The following SHCBP1L variants were observed in gnomAD, a reference collection of about 807,000 sequenced individuals.
The protein encoded by SHCBP1L is SHC binding and spindle associated 1 like, also known as testicular spindle-associated protein SHCBP1L.
SHCBP1L carries 67 observed loss-of-function variants against 62.5 expected under a neutral mutation model. The observed-to-expected ratio is 1.07, with a 90% CI of 0.88 to 1.31. The LOEUF is 1.31. Ranked by LOEUF, SHCBP1L falls within the 40% of genes most tolerant of loss-of-function variation. SHCBP1L has a pLI of 0.00. For synonymous variants in SHCBP1L, 284 were observed against 289.4 expected, an observed-to-expected ratio of 0.98 and a Z score of 0.19; for missense variants, 823 against 809.8, an observed-to-expected ratio of 1.02 and a Z score of -0.20.
In SHCBP1L at chr1:182,929,597, T is replaced by C. The variant is rs367724278; in HGVS notation, c.1182+50A>G. 68 of 1,269,184 alleles carry C rather than the reference T, an allele frequency of 5.4e-5. No homozygotes were observed. The African/African-American group carries it at 1.0e-3, about 19-fold the overall frequency. The allele number at this position is 1,269,184 out of a possible 1,614,324, so 78.6% of individuals were successfully genotyped here. ...CACCCTCAGGGAGCTTCTTTTCCGA[T>C]TATACACAGCTAATACTTAAATAAC... On this transcript the variant is annotated intron_variant, in intron 6 of 9. Coordinates refer to ENST00000367547, the MANE Select transcript of SHCBP1L (RefSeq NM_030933.4).
At chr1:182,918,536 T>C (rs1289349382) in intron 6 of SHCBP1L, among the ~76,000 whole-genome samples, 4 of 152,242 alleles carry the variant, frequency 2.6e-5, no homozygotes, top group African/African-American at 9.6e-5. Flanking sequence ...CCATCCCATG[T>C]TCATGGATTG....
chr1:182,903,952 C>T (rs1201632514), intron 8 of SHCBP1L, among the ~76,000 whole-genome samples: 1 of 152,150 alleles, frequency 6.6e-6, no homozygotes, highest in Non-Finnish European at 1.5e-5. Flanking sequence ...TAAAAAGTCA[C>T]CCTTATAAAA....
chr1:182,915,013 C>T (rs769075070), intron 6 of SHCBP1L, among the ~76,000 whole-genome samples: 1 of 151,228 alleles, frequency 6.6e-6, no homozygotes, highest in African/African-American at 2.4e-5. Flanking sequence ...ACTAAAAATA[C>T]AAAAATTAGC....
intron 5 of SHCBP1L, among the ~76,000 whole-genome samples, chr1:182,935,124 C>T (rs778206845): frequency 2.6e-5 from 4 of 152,052 alleles, no homozygotes; most frequent in South Asian, 4.1e-4. Flanking sequence ...GTCTTAAAAT[C>T]GAGTAGTATG....
chr1:182,910,079 TAG>T (rs1650131390), intron 6 of SHCBP1L, among the ~76,000 whole-genome samples: 1 of 151,012 alleles, frequency 6.6e-6, no homozygotes, highest in Non-Finnish European at 1.5e-5. Context: ...AAGGAGAGAG[TAG>T]AGAGGAGAGG....
intron 6 of SHCBP1L, among the ~76,000 whole-genome samples, chr1:182,920,815 T>G (rs1650504973): frequency 6.6e-6 from 1 of 152,078 alleles, no homozygotes; most frequent in African/African-American, 2.4e-5. Flanking sequence ...GCTTGAAGAC[T>G]AGTCCAACAA....
intron 6 of SHCBP1L, among the ~76,000 whole-genome samples, chr1:182,925,566 TA>T (rs1452893378): frequency 6.6e-6 from 1 of 152,142 alleles, no homozygotes; most frequent in African/African-American, 2.4e-5. Context: ...TAAAAAAAGA[TA>T]AAAGTTTTGG....
At position 182,952,709 on chromosome 1, in the gene SHCBP1L, C is replaced by A; in HGVS notation, c.405+20G>T. The A allele has an allele frequency of 6.3e-7, 1 of 1,583,544 alleles. No homozygotes were observed. Among genetic ancestry groups the A allele is most frequent in the Non-Finnish European group, 8.6e-7 (1 of 1,163,864 alleles). On this transcript the variant is annotated intron_variant, in intron 1 of 9. Transcript: ENST00000367547. Reference sequence around the variant, plus strand: ...CCGACGAGCTTCCGACCGTAGTCTTCCTGTCCCGGATCCGCTCACCTTACA... The same window carrying A: ...CCGACGAGCTTCCGACCGTAGTCTTACTGTCCCGGATCCGCTCACCTTACA...
intron 7 of SHCBP1L, 86 bp downstream of exon 7, chr1:182,905,410 C>A: frequency 1.5e-6 from 2 of 1,304,442 alleles, no homozygotes; most frequent in South Asian, 1.5e-5. Context: ...TTGTAATTTC[C>A]AATAATTCCA....
intron 6 of SHCBP1L, among the ~76,000 whole-genome samples, chr1:182,908,874 T>C (rs985642688): frequency 3.9e-5 from 6 of 152,220 alleles, no homozygotes; most frequent in Admixed American, 3.9e-4. Flanking sequence ...CAAAACAACA[T>C]GGGATTTTTA....
At chr1:182,904,508 CTGT>C in intron 7 of SHCBP1L, 78 bp from the exon 8 acceptor site, 1 of 1,474,100 alleles carries the variant, frequency 6.8e-7, no homozygotes, top group African/African-American at 1.4e-5. Context: ...AACAATACTG[CTGT>C]TACTAAAGTT....
intron 5 of SHCBP1L, among the ~76,000 whole-genome samples, chr1:182,935,636 C>T (rs1251802880): frequency 6.6e-6 from 1 of 151,946 alleles, no homozygotes; most frequent in Non-Finnish European, 1.5e-5. Flanking sequence ...AGTTTGTAGG[C>T]CTTTTGTTTC....
chr1:182,941,574 C>T (rs147967359), intron 2 of SHCBP1L, among the ~76,000 whole-genome samples: 5 of 152,192 alleles, frequency 3.3e-5, no homozygotes, highest in African/African-American at 9.6e-5. Flanking sequence ...AAATTTGTAA[C>T]CTTTCACAGC....
intron 2 of SHCBP1L, among the ~76,000 whole-genome samples, chr1:182,942,734 C>T (rs976482839): frequency 1.3e-5 from 2 of 152,254 alleles, no homozygotes; most frequent in Non-Finnish European, 1.5e-5. Context: ...AACACAAACA[C>T]TTCCAAAATC....
Position 182,939,177 on chromosome 1 carries a change from G to A in SHCBP1L, c.1075C>T (p.Arg359Ter), listed in dbSNP as rs549308005. The A allele has an allele frequency of 1.7e-5, 27 of 1,602,792 alleles. No individual in the cohort carries two copies. The highest frequency in any genetic ancestry group is 1.7e-4 in the Middle Eastern group (1 of 6,016). Residue 359 changes from arginine to a stop codon, truncating the protein, a stop_gained and splice_region_variant, in exon 5 of 10, where the codon CGA (arginine) becomes TGA (stop). Transcript: ENST00000367547. LOFTEE classifies it high-confidence loss of function. ...LLKMWEDLRLRVHGPFFPRIL... is the reference protein window; with the variant it reads ...LLKMWEDLRL ...ATTTGAAATAGAGCAAATTATTACCGGAGGCGTAAATCTTCCCACATTTTC... is the reference window on the plus strand; with the variant it reads ...ATTTGAAATAGAGCAAATTATTACCAGAGGCGTAAATCTTCCCACATTTTC...
rs10536791 is a variant in SHCBP1L at position 182,930,551 on chromosome 1, GTATATATATATATATATATATA to G, written c.1077-821_1077-800del. Among the ~76,000 whole-genome samples the G allele has an allele frequency of 2.0e-3, 101 of 49,464 alleles. 3 individuals carry two copies. The highest frequency in any genetic ancestry group is 0.013 in the Middle Eastern group (1 of 78). The allele number at this position is 49,464 out of a possible 152,430, so 32.5% of individuals were successfully genotyped here. ...AAGAGGATGTGGCTTTAGTGTGTGT[GTATATATATATATATATATATA>G]TATATATATATATATATATATACAC... On this transcript the variant is annotated intron_variant, in intron 5 of 9. Transcript: ENST00000367547.
At chr1:182,921,290 A>G (rs1468164553) in intron 6 of SHCBP1L, among the ~76,000 whole-genome samples, 1 of 152,222 alleles carries the variant, frequency 6.6e-6, no homozygotes, top group African/African-American at 2.4e-5. Context: ...TCATAAGTGA[A>G]GGTAAGAAAA....
At position 182,952,967 on chromosome 1, in the gene SHCBP1L, G is replaced by A. The variant is rs1422995984; in HGVS notation, c.167C>T (p.Pro56Leu). 1.9e-6 allele frequency: 3 copies of A among 1,544,700 alleles called. No homozygotes were observed. The highest frequency in any genetic ancestry group is 2.4e-5 in the East Asian group (1 of 41,076). The change falls in exon 1 of 10, where the codon CCG (proline) becomes CTG (leucine). Residue 56 changes from proline (P) to leucine (L), a missense_variant. By Grantham distance (98) the Pro-to-Leu change is moderately conservative. Coordinates refer to ENST00000367547, the MANE Select transcript of SHCBP1L (RefSeq NM_030933.4). ...PVRSVVASPR[P>L]VKGKAGRETA... ...CTCCCGGCCCGCTTTCCCCTTCACC[G>A]GGCGAGGGGAGGCCACCACCGACCG...
At chr1:182,930,725 G>A (rs927288733) in intron 5 of SHCBP1L, among the ~76,000 whole-genome samples, 532 of 27,878 alleles carry the variant, frequency 0.019, 9 homozygotes, top group African/African-American at 0.026. Context: ...ATATATATAT[G>A]TATTTTTTTT....
Sources: gnomAD v4.1 joint callset for allele counts (sites outside exome capture counted in the v4.1 genomes callset) on GRCh38, gnomAD v4.1.1 for gene constraint, MANE v1.5 for transcripts, NCBI Gene and HGNC (gene_info 2026-07-23, HGNC 2026-07-21) for gene names.